The following NTM variants were observed in gnomAD, a reference collection of about 807,000 sequenced individuals.
NTM encodes neurotrimin.
Under a neutral mutation model 42.1 loss-of-function variants are expected in NTM, and 13 were observed. The ratio of observed to expected loss-of-function variants is 0.31; its 90% CI spans 0.20 to 0.49. NTM has a LOEUF of 0.49. NTM is among the 20% of genes least tolerant of loss of function. NTM has a pLI of 0.99. For synonymous variants in NTM, 187 were observed against 179.2 expected, an observed-to-expected ratio of 1.04 and a Z score of -0.35; for missense variants, 373 against 452.8, an observed-to-expected ratio of 0.82 and a Z score of 1.60.
chr11:131,462,935 T>C (rs1307025449), intron 1 of NTM, among the ~76,000 whole-genome samples: 1 of 150,748 alleles, frequency 6.6e-6, no homozygotes, highest in Non-Finnish European at 1.5e-5. Flanking sequence ...CTAGGAAGGG[T>C]CACTTATCTA....
rs563089487 is a variant in NTM at position 132,127,664 on chromosome 11, G to A, written c.168-18618G>A. Among the ~76,000 whole-genome samples, 63 of 152,348 alleles carry A rather than the reference G, an allele frequency of 4.1e-4. 1 individual carries two copies. The South Asian group carries it at 9.7e-3, about 24-fold the overall frequency. On this transcript the variant is annotated intron_variant, in intron 2 of 8. Transcript: ENST00000683400. Reference sequence around the variant, plus strand: ...ATTCCCTCCACTGCTTCCCCAAAGAGGTTCTTTTCCTTGAGCCAGAGCGGC... The same window carrying A: ...ATTCCCTCCACTGCTTCCCCAAAGAAGTTCTTTTCCTTGAGCCAGAGCGGC...
chr11:131,774,552 T>C (rs1004475559), intron 1 of NTM, among the ~76,000 whole-genome samples: 1 of 152,210 alleles, frequency 6.6e-6, no homozygotes, highest in Non-Finnish European at 1.5e-5. Context: ...GATTTATTGA[T>C]GGCATGCGGA....
At chr11:131,711,553 C>T (rs1036894300) in intron 1 of NTM, among the ~76,000 whole-genome samples, 7 of 152,284 alleles carry the variant, frequency 4.6e-5, no homozygotes, top group Admixed American at 4.6e-4. Context: ...CTAATTCAAC[C>T]ATTGTGGAAG....
intron 1 of NTM, among the ~76,000 whole-genome samples, chr11:131,566,424 T>C (rs1297976703): frequency 1.6e-5 from 2 of 126,254 alleles, no homozygotes; most frequent in African/African-American, 3.4e-5. Context: ...TGTGTGTGTC[T>C]CGATGTGCGT....
At chr11:131,412,192 T>G (rs913382260) in intron 1 of NTM, among the ~76,000 whole-genome samples, 1 of 152,208 alleles carries the variant, frequency 6.6e-6, no homozygotes, top group Non-Finnish European at 1.5e-5. Context: ...ATGTGAGAGC[T>G]GAGAAGGCAA....
intron 1 of NTM, among the ~76,000 whole-genome samples, chr11:131,580,007 C>G (rs556529296): frequency 6.6e-6 from 1 of 152,092 alleles, no homozygotes; most frequent in Admixed American, 6.5e-5. Flanking sequence ...AGTTCTCTGC[C>G]GAGCCAGGAG....
intron 2 of NTM, among the ~76,000 whole-genome samples, chr11:131,950,922 C>G (rs549185011): frequency 3.5e-4 from 53 of 152,224 alleles, no homozygotes; most frequent in African/African-American, 1.2e-3. Flanking sequence ...TCCCCTGTAT[C>G]CAAGGTGGGA....
intron 4 of NTM, among the ~76,000 whole-genome samples, chr11:132,297,925 A>G (rs894746370): frequency 1.3e-5 from 2 of 152,216 alleles, no homozygotes; most frequent in African/African-American, 4.8e-5. Flanking sequence ...TGAGGTTAAC[A>G]GTTCCACAAT....
chr11:131,592,389 CCCAGGG>C (rs2059435142), intron 1 of NTM, among the ~76,000 whole-genome samples: 1 of 152,046 alleles, frequency 6.6e-6, no homozygotes, highest in Non-Finnish European at 1.5e-5. Context: ...CGAAGTCTAG[CCCAGGG>C]CCTGGAAATC....
intron 2 of NTM, among the ~76,000 whole-genome samples, chr11:132,043,041 T>C (rs567795736): frequency 7.9e-5 from 12 of 152,310 alleles, no homozygotes; most frequent in African/African-American, 2.9e-4. Flanking sequence ...TAAAGTGGAA[T>C]ACATTGTAGA....
chr11:131,393,812 G>A (rs1944281899), intron 1 of NTM, among the ~76,000 whole-genome samples: 1 of 152,172 alleles, frequency 6.6e-6, no homozygotes, highest in Non-Finnish European at 1.5e-5. Flanking sequence ...AAGAAGGAAG[G>A]GGATATTAAA....
intron 1 of NTM, among the ~76,000 whole-genome samples, chr11:131,494,269 T>C (rs1387980399): frequency 1.3e-5 from 2 of 152,122 alleles, no homozygotes; most frequent in Non-Finnish European, 2.9e-5. Flanking sequence ...AAATTACCAA[T>C]AAGCCATGAT....
chr11:132,156,780 G>T (rs2073280034), intron 3 of NTM, among the ~76,000 whole-genome samples: 1 of 152,126 alleles, frequency 6.6e-6, no homozygotes, highest in South Asian at 2.1e-4. Flanking sequence ...ACTTTGCATG[G>T]TAGAGTCTTT....
intron 1 of NTM, among the ~76,000 whole-genome samples, chr11:131,565,335 T>C (rs2056760980): frequency 6.6e-6 from 1 of 152,188 alleles, no homozygotes; most frequent in Admixed American, 6.5e-5. Flanking sequence ...CATGAACTCT[T>C]CTTTCTGTCC....
chr11:132,224,886 T>G (rs181901314), intron 4 of NTM, among the ~76,000 whole-genome samples: 1 of 152,316 alleles, frequency 6.6e-6, no homozygotes, highest in African/African-American at 2.4e-5. Flanking sequence ...GCCTCCCTTA[T>G]TGCCTATTCG....
intron 1 of NTM, among the ~76,000 whole-genome samples, chr11:131,706,465 G>A (rs2135242311): frequency 6.6e-6 from 1 of 152,066 alleles, no homozygotes. Flanking sequence ...GATTTGAGCA[G>A]CATAATAGAT....
chr11:131,831,755 A>T (rs1260160090), intron 1 of NTM, among the ~76,000 whole-genome samples: 1 of 152,134 alleles, frequency 6.6e-6, no homozygotes, highest in Admixed American at 6.6e-5. Flanking sequence ...ATCAGGTAGC[A>T]GATACTTTGA....
intron 4 of NTM, among the ~76,000 whole-genome samples, chr11:132,262,789 T>G (rs2092946035): frequency 6.6e-6 from 1 of 152,210 alleles, no homozygotes; most frequent in Admixed American, 6.5e-5. Flanking sequence ...TGCAACACAC[T>G]TATTCCATCC....
chr11:132,180,480 T>C (rs1240138885), intron 3 of NTM, among the ~76,000 whole-genome samples: 3 of 152,204 alleles, frequency 2.0e-5, no homozygotes, highest in African/African-American at 7.2e-5. Flanking sequence ...TAGAAATTTT[T>C]ATACAACTGA....
Sources: allele counts gnomAD v4.1 joint callset (sites outside exome capture counted in the v4.1 genomes callset), GRCh38; gene constraint gnomAD v4.1.1; transcripts MANE v1.5; gene names NCBI Gene and HGNC (gene_info 2026-07-23, HGNC 2026-07-21).